NUP42: variants seen among roughly 807,000 people sequenced by gnomAD.
NUP42 encodes nucleoporin 42.
In NUP42, 47 loss-of-function variants were observed where a neutral mutation model predicts 35.9. The observed-to-expected ratio is 1.31, with a 90% CI of 1.04 to 1.67. The LOEUF (loss-of-function observed/expected upper bound fraction) is 1.67, where lower values mean the gene tolerates loss of function less well. Among genes scored for constraint, NUP42 ranks in the 40% most tolerant of loss-of-function variants. The pLI is 0.00. For synonymous variants in NUP42, 173 were observed against 173.3 expected (o/e 1.00, Z 0.01); for missense variants, 514 against 492.2 (o/e 1.04, Z -0.42).
In NUP42 at chr7:23,187,060, T is replaced by C. The variant is rs557798560; in HGVS notation, c.359T>C (p.Ile120Thr). Residue 120 changes from isoleucine (I) to threonine (T), a missense_variant, in exon 3 of 7, where the codon ATT becomes ACT. By Grantham distance (89) the Ile-to-Thr change is moderately conservative. Coordinates refer to ENST00000258742, the MANE Select transcript of NUP42 (RefSeq NM_007342.3). ...TTTTTTCTTTTTTGCAGGGAAGGAA[T>C]TGTAAAAGATATGGAGGTTTGGGAA... ...QKDEKKLLEG[I>T]VKDMEVWESS... 2 of 1,579,450 alleles carry C rather than the reference T, an allele frequency of 1.3e-6. No homozygotes were observed. The highest frequency in any genetic ancestry group is 1.4e-5 in the African/African-American group (1 of 73,218).
chr7:23,189,953 G>A (rs917746053), intron 3 of NUP42, among the ~76,000 whole-genome samples: 3 of 151,768 alleles, frequency 2.0e-5, no homozygotes, highest in Non-Finnish European at 4.4e-5. Context: ...GTATAATAAC[G>A]TGCCAATGTT....
intron 3 of NUP42, among the ~76,000 whole-genome samples, chr7:23,191,030 T>G (rs1301576152): frequency 1.3e-5 from 2 of 152,216 alleles, no homozygotes; most frequent in African/African-American, 4.8e-5. Flanking sequence ...GTATCAGTTA[T>G]GGGAAGATTT....
At chr7:23,185,347 T>A (rs769467366) in intron 2 of NUP42, 49 bp downstream of exon 2, 5 of 1,207,390 alleles carry the variant, frequency 4.1e-6, no homozygotes, top group Non-Finnish European at 6.0e-6. Flanking sequence ...TTATGTTTTT[T>A]CACCTACAAT....
At chr7:23,196,789 G>A in intron 5 of NUP42, 23 bp downstream of exon 5, 3 of 1,493,652 alleles carry the variant, frequency 2.0e-6, no homozygotes, top group Non-Finnish European at 1.9e-6. Context: ...GAGTTTTCTT[G>A]AGGGAAGTGT....
chr7:23,186,204 TCTCTC>T (rs1785589912), intron 2 of NUP42, among the ~76,000 whole-genome samples: 1 of 152,236 alleles, frequency 6.6e-6, no homozygotes, highest in African/African-American at 2.4e-5. Context: ...TCTGTAATGT[TCTCTC>T]AACTCATGGT....
chr7:23,200,304 C>T lies in NUP42; in HGVS notation c.831C>T (p.Thr277=), dbSNP rs916304763. 4.4e-6 allele frequency: 7 copies of T among 1,603,254 alleles called. No homozygotes were observed. The Admixed American group carries it at 6.8e-5, about 16-fold the overall frequency. Residue 277 remains threonine (T), a synonymous_variant, in exon 7 of 7, where the codon ACC becomes ACT. Coordinates refer to ENST00000258742, the MANE Select transcript of NUP42 (RefSeq NM_007342.3). ...CAGCATTTGGAGCTGCAGCCTCTACCAGTTCAGGTATCTCTACTTCTGCTC... is the reference window on the plus strand; with the variant it reads ...CAGCATTTGGAGCTGCAGCCTCTACTAGTTCAGGTATCTCTACTTCTGCTC... ...SSPAFGAAAS[T]SSGISTSAPA... is the part of the protein sequence containing the mutation.
Position 23,200,297 on chromosome 7 carries a change from C to T in NUP42, c.824C>T (p.Ala275Val), listed in dbSNP as rs780851691. 16 of 1,603,008 alleles carry T rather than the reference C, an allele frequency of 1.0e-5. No individual in the cohort carries two copies. Among genetic ancestry groups the T allele is most frequent in the Admixed American group, 1.7e-5 (1 of 58,876 alleles). ...AGTTCCCCAGCATTTGGAGCTGCAGCCTCTACCAGTTCAGGTATCTCTACT... is the reference window on the plus strand; with the variant it reads ...AGTTCCCCAGCATTTGGAGCTGCAGTCTCTACCAGTTCAGGTATCTCTACT... ...FGSSPAFGAA[A>V]STSSGISTSA... The change falls in exon 7 of 7, where the codon GCC becomes GTC. Residue 275 changes from alanine (A) to valine (V), a missense_variant. Transcript: ENST00000258742.
At chr7:23,182,606 T>G in intron 1 of NUP42, 2 of 761,170 alleles carry the variant, frequency 2.6e-6, no homozygotes, top group Non-Finnish European at 1.6e-6. Flanking sequence ...TTTGAAAAAA[T>G]CTAATAAAAC....
rs1049627311 is a variant in NUP42 at position 23,195,916 on chromosome 7, G to C, written c.522+1G>C. The C allele has an allele frequency of 6.4e-7, 1 of 1,569,994 alleles. No homozygotes were observed. Among genetic ancestry groups the C allele is most frequent in the Non-Finnish European group, 8.7e-7 (1 of 1,147,350 alleles). ...AACCAGCAATAACTTACAGAGTTAT[G>C]TAAGTTTGTTTCCTATTAATCTACT... On this transcript the variant is annotated splice_donor_variant, in intron 4 of 6. Coordinates refer to ENST00000258742, the MANE Select transcript of NUP42 (RefSeq NM_007342.3). LOFTEE classifies it high-confidence loss of function.
At chr7:23,193,851 C>T (rs527780768) in intron 3 of NUP42, among the ~76,000 whole-genome samples, 4 of 152,356 alleles carry the variant, frequency 2.6e-5, no homozygotes, top group African/African-American at 9.6e-5. Context: ...TCAGGCATGG[C>T]GGGCTGCAGG....
intron 3 of NUP42, among the ~76,000 whole-genome samples, chr7:23,191,048 A>T (rs191277175): frequency 6.6e-6 from 1 of 152,298 alleles, no homozygotes; most frequent in Non-Finnish European, 1.5e-5. Flanking sequence ...TTTGGGGAAA[A>T]CATTCCTGGC....
At chr7:23,182,742 C>CAAAAAAAAAAAAA (rs60397960) in intron 1 of NUP42, among the ~76,000 whole-genome samples, 2 of 74,152 alleles carry the variant, frequency 2.7e-5, no homozygotes, top group Non-Finnish European at 4.9e-5. Flanking sequence ...CTAAAAATAC[C>CAAAAAAAAAAAAA]AAAAAAAAAA....
chr7:23,200,211 T>A lies in NUP42; in HGVS notation c.738T>A (p.Phe246Leu), dbSNP rs745518385. ...GCAGCAGTGATAATGCTCAGAACTT[T>A]AGTTTTAAAACAAACTCTGGATTTG... ...NNSSSDNAQNFSFKTNSGFAA... is the reference protein window; with the variant it reads ...NNSSSDNAQNLSFKTNSGFAA... The change falls in exon 7 of 7, where the codon TTT becomes TTA. Residue 246 changes from phenylalanine to leucine, a missense_variant. Transcript: ENST00000258742. 2 of 1,603,500 alleles carry A rather than the reference T, an allele frequency of 1.2e-6. No homozygotes were observed. The highest frequency in any genetic ancestry group is 3.4e-5 in the Admixed American group (2 of 59,248).
At chr7:23,196,439 C>T (rs957564465) in intron 4 of NUP42, 5 of 430,726 alleles carry the variant, frequency 1.2e-5, no homozygotes, top group Admixed American at 4.1e-5. Flanking sequence ...TAACTAACTA[C>T]GTGCTGCCAG....
chr7:23,186,921 A>T, intron 2 of NUP42, 131 bp from the exon 3 acceptor site: 1 of 603,576 alleles, frequency 1.7e-6, no homozygotes, highest in Non-Finnish European at 2.9e-6. Flanking sequence ...TTTAAAGAAC[A>T]CTCTTCAGAA....
chr7:23,200,034 G>A (rs767398411), intron 6 of NUP42, 134 bp from the exon 7 acceptor site: 30 of 664,958 alleles, frequency 4.5e-5, no homozygotes, highest in South Asian at 8.6e-5. Flanking sequence ...TCCTCATCTC[G>A]TCCGTCCAGT....
At chr7:23,196,606 T>C in intron 4 of NUP42, 74 bp from the exon 5 acceptor site, 1 of 1,064,050 alleles carries the variant, frequency 9.4e-7, no homozygotes, top group South Asian at 1.3e-5. Context: ...CAAAGAAGTA[T>C]GTGAAGTTTT....
intron 2 of NUP42, among the ~76,000 whole-genome samples, 196 bp downstream of exon 2, chr7:23,185,494 C>T (rs900439055): frequency 7.9e-5 from 12 of 152,076 alleles, no homozygotes; most frequent in Admixed American, 5.9e-4. Context: ...CATAGATAGC[C>T]ACTCTTTTGC....
chr7:23,195,157 A>G (rs1156860833), intron 3 of NUP42: 1 of 152,238 alleles, frequency 6.6e-6, no homozygotes, highest in Non-Finnish European at 1.5e-5. Context: ...CAGGCTTGTG[A>G]TGCTTATTAA....
Sources: allele counts gnomAD v4.1 joint callset (sites outside exome capture counted in the v4.1 genomes callset), GRCh38; gene constraint gnomAD v4.1.1; transcripts MANE v1.5; gene names NCBI Gene and HGNC (gene_info 2026-07-23, HGNC 2026-07-21).